The following ERBB4 variants were observed in gnomAD, a reference collection of about 807,000 sequenced individuals.
The protein encoded by ERBB4 is erb-b2 receptor tyrosine kinase 4.
A neutral mutation model predicts 158.0 loss-of-function variants in ERBB4; 42 were observed. That is an observed-to-expected ratio of 0.27 (90% CI 0.21 to 0.34). The LOEUF (loss-of-function observed/expected upper bound fraction) is 0.34. Among genes scored for constraint, ERBB4 ranks in the 10% least tolerant of loss-of-function variants. The pLI is 1.00. For synonymous variants in ERBB4, 583 were observed against 558.7 expected (o/e 1.04, Z -0.61); for missense variants, 1,333 against 1,624.1 (o/e 0.82, Z 3.08).
intron 1 of ERBB4, among the ~76,000 whole-genome samples, chr2:212,412,999 G>A (rs1040360753): frequency 1.3e-5 from 2 of 151,306 alleles, no homozygotes; most frequent in African/African-American, 2.4e-5. Flanking sequence ...ACAGAGTCTC[G>A]TTCTGTCACC....
At chr2:211,883,938 CT>C (rs2078729128) in intron 3 of ERBB4, among the ~76,000 whole-genome samples, 2 of 152,130 alleles carry the variant, frequency 1.3e-5, no homozygotes, top group Non-Finnish European at 2.9e-5. Flanking sequence ...GAGGGACTGA[CT>C]CACTCCCCGG....
At chr2:211,596,469 A>G (rs1334043415) in intron 19 of ERBB4, among the ~76,000 whole-genome samples, 2 of 152,186 alleles carry the variant, frequency 1.3e-5, no homozygotes, top group Admixed American at 6.5e-5. Context: ...CATTTTTAAG[A>G]AAGCAACAAC....
In ERBB4 at chr2:211,392,793, G is replaced by A. The variant is rs568258469; in HGVS notation, c.3136-4801C>T. On this transcript the variant is annotated intron_variant, in intron 25 of 27. Coordinates refer to ENST00000342788, the MANE Select transcript of ERBB4 (RefSeq NM_005235.3). ...AAGCAATTCTCTGCCTCAGCCTCCCGAGTAGCTGGGATTGCAGGTGCCCAC... is the reference window on the plus strand; with the variant it reads ...AAGCAATTCTCTGCCTCAGCCTCCCAAGTAGCTGGGATTGCAGGTGCCCAC... Among the ~76,000 whole-genome samples, 351 of 151,972 alleles carry A rather than the reference G, an allele frequency of 2.3e-3. 1 individual carries two copies. The highest frequency in any genetic ancestry group is 4.1e-3 in the Non-Finnish European group (278 of 67,968).
At chr2:211,808,576 T>C (rs1189411665) in intron 3 of ERBB4, among the ~76,000 whole-genome samples, 1 of 152,226 alleles carries the variant, frequency 6.6e-6, no homozygotes, top group Non-Finnish European at 1.5e-5. Flanking sequence ...CTTTCAGCTT[T>C]GTTCTTTTTG....
intron 1 of ERBB4, among the ~76,000 whole-genome samples, chr2:212,152,061 A>T (rs184651052): frequency 6.6e-6 from 1 of 152,260 alleles, no homozygotes; most frequent in East Asian, 1.9e-4. Context: ...TTACTTCATC[A>T]CATTTTCTTT....
intron 1 of ERBB4, among the ~76,000 whole-genome samples, chr2:212,217,731 T>C (rs1359268327): frequency 1.3e-5 from 2 of 151,336 alleles, no homozygotes; most frequent in Non-Finnish European, 3.0e-5. Flanking sequence ...AGTTTCAAAT[T>C]CAAGTTTAAA....
At chr2:211,521,111 T>A (rs1006243390) in intron 20 of ERBB4, among the ~76,000 whole-genome samples, 3 of 152,126 alleles carry the variant, frequency 2.0e-5, no homozygotes, top group Non-Finnish European at 4.4e-5. Context: ...TCTCTCATTT[T>A]AAATCAAAAG....
At chr2:211,390,518 T>C (rs955638303) in intron 25 of ERBB4, among the ~76,000 whole-genome samples, 2 of 152,252 alleles carry the variant, frequency 1.3e-5, no homozygotes, top group Admixed American at 1.3e-4. Flanking sequence ...TTTTGCATTT[T>C]ACAAAACCTG....
chr2:211,767,326 A>G (rs938003759), intron 4 of ERBB4, among the ~76,000 whole-genome samples: 7 of 152,146 alleles, frequency 4.6e-5, no homozygotes, highest in African/African-American at 1.7e-4. Context: ...TTGTCATTCA[A>G]TTTTACACAG....
At chr2:212,192,007 A>ATG (rs1491138840) in intron 1 of ERBB4, among the ~76,000 whole-genome samples, 6 of 99,142 alleles carry the variant, frequency 6.1e-5, no homozygotes, top group Admixed American at 1.1e-4. Context: ...TGTTATATAT[A>ATG]ATATATGTTA....
At chr2:211,518,810 T>C (rs2066110804) in intron 20 of ERBB4, among the ~76,000 whole-genome samples, 1 of 151,094 alleles carries the variant, frequency 6.6e-6, no homozygotes, top group African/African-American at 2.4e-5. Flanking sequence ...ATTGAATGAA[T>C]ATTAAAGGGG....
intron 3 of ERBB4, among the ~76,000 whole-genome samples, chr2:211,809,645 T>C (rs1306092966): frequency 6.6e-6 from 1 of 152,212 alleles, no homozygotes; most frequent in Admixed American, 6.5e-5. Flanking sequence ...AACCAGGTCC[T>C]GGATTCACTG....
Position 211,939,083 on chromosome 2 carries a change from G to A in ERBB4, c.421+8347C>T, listed in dbSNP as rs1484213099. ...ATTTTATTGTCAACTTACCATTCAT[G>A]ATATATTCAAGTATTATATAATGAT... is the stretch of plus-strand genomic sequence containing the variant. On this transcript the variant is annotated intron_variant, in intron 3 of 27. Transcript: ENST00000342788. 2.6e-5 allele frequency among the ~76,000 whole-genome samples: 4 copies of A among 152,082 alleles called. No homozygotes were observed. In the East Asian group the frequency reaches 7.7e-4, roughly 29 times the overall value.
intron 2 of ERBB4, among the ~76,000 whole-genome samples, chr2:212,117,306 A>G (rs1378637498): frequency 6.6e-6 from 1 of 152,180 alleles, no homozygotes; most frequent in Non-Finnish European, 1.5e-5. Context: ...TTAAAGAAAA[A>G]GTTCCATCAC....
At chr2:211,632,592 G>T (rs1484702230) in intron 16 of ERBB4, among the ~76,000 whole-genome samples, 1 of 151,492 alleles carries the variant, frequency 6.6e-6, no homozygotes, top group East Asian at 1.9e-4. Context: ...TATATGAAAA[G>T]AAAACGCTCT....
chr2:212,088,347 T>C (rs1165585239), intron 2 of ERBB4, among the ~76,000 whole-genome samples: 1 of 152,162 alleles, frequency 6.6e-6, no homozygotes, highest in African/African-American at 2.4e-5. Context: ...ATCATATTTA[T>C]CAAAGGAAGA....
intron 2 of ERBB4, among the ~76,000 whole-genome samples, chr2:212,112,676 T>G (rs1027326161): frequency 5.3e-5 from 8 of 152,132 alleles, no homozygotes; most frequent in African/African-American, 1.7e-4. Flanking sequence ...TTACAAAATG[T>G]GAATAACAAC....
At chr2:212,051,238 T>G (rs896454883) in intron 2 of ERBB4, among the ~76,000 whole-genome samples, 1 of 152,148 alleles carries the variant, frequency 6.6e-6, no homozygotes, top group Non-Finnish European at 1.5e-5. Context: ...CATATTGACA[T>G]ACAAATCATT....
At chr2:211,618,575 C>A (rs1031516197) in intron 19 of ERBB4, among the ~76,000 whole-genome samples, 1 of 152,038 alleles carries the variant, frequency 6.6e-6, no homozygotes, top group African/African-American at 2.4e-5. Context: ...TCTAGACCTG[C>A]CATTTTCTAA....
Sources: allele counts gnomAD v4.1 joint callset (sites outside exome capture counted in the v4.1 genomes callset), GRCh38; gene constraint gnomAD v4.1.1; transcripts MANE v1.5; gene names NCBI Gene and HGNC (gene_info 2026-07-23, HGNC 2026-07-21).